The following C2CD5 variants were observed in gnomAD, a reference collection of about 807,000 sequenced individuals.
C2CD5 encodes the protein C2 calcium dependent domain containing 5, also known as C2 domain-containing protein 5.
In C2CD5, 109 loss-of-function variants were observed where a neutral mutation model predicts 130.3. That is an observed-to-expected ratio of 0.84 (90% CI 0.72 to 0.98). C2CD5 has a LOEUF of 0.98. Among genes scored for constraint, C2CD5 ranks in the 50% least tolerant of loss-of-function variants. The pLI is 0.00. For synonymous variants in C2CD5, 454 were observed against 429.2 expected (o/e 1.06, Z -0.71); for missense variants, 996 against 1,261.8 (o/e 0.79, Z 3.19).
At chr12:22,453,496 C>T (rs1406722842) in intron 26 of C2CD5, among the ~76,000 whole-genome samples, 17 of 152,128 alleles carry the variant, frequency 1.1e-4, no homozygotes, top group Non-Finnish European at 2.9e-5. Flanking sequence ...TAGAAATAAG[C>T]AAGCCTTACT....
chr12:22,492,011 T>C (rs1209204830), intron 11 of C2CD5, among the ~76,000 whole-genome samples: 1 of 151,446 alleles, frequency 6.6e-6, no homozygotes, highest in East Asian at 1.9e-4. Flanking sequence ...TTAACAAGAG[T>C]AGAACCGCTA....
intron 15 of C2CD5, among the ~76,000 whole-genome samples, chr12:22,475,233 A>G (rs1438390584): frequency 6.6e-6 from 1 of 152,202 alleles, no homozygotes; most frequent in African/African-American, 2.4e-5. Flanking sequence ...TCAGCATTAT[A>G]AAAGTCCTAA....
intron 14 of C2CD5, among the ~76,000 whole-genome samples, chr12:22,481,491 C>G (rs1334906150): frequency 6.6e-6 from 1 of 152,026 alleles, no homozygotes; most frequent in Admixed American, 6.6e-5. Context: ...TTGCAGGCAC[C>G]TGGTTCTCTG....
intron 22 of C2CD5, among the ~76,000 whole-genome samples, chr12:22,461,965 C>CT (rs11438244): frequency 0.18 from 27,282 of 152,058 alleles, 5,118 homozygotes; most frequent in African/African-American, 0.48. Flanking sequence ...ACATCAGCAC[C>CT]TGGACTGGTT....
chr12:22,457,163 T>C lies in C2CD5; in HGVS notation c.2687-2A>G. ...GACTTGCTTTTTCAACTGTCATGGCTAAAATTGGAGAAAAATGAGAAAACA... is the reference window on the plus strand; with the variant it reads ...GACTTGCTTTTTCAACTGTCATGGCCAAAATTGGAGAAAAATGAGAAAACA... On this transcript the variant is annotated splice_acceptor_variant, in intron 24 of 26. Transcript: ENST00000446597. LOFTEE classifies it high-confidence loss of function. 5 of 1,591,158 alleles carry C rather than the reference T, an allele frequency of 3.1e-6. No individual in the cohort carries two copies. The highest frequency in any genetic ancestry group is 2.6e-6 in the Non-Finnish European group (3 of 1,169,948).
chr12:22,475,656 T>G (rs1326832647), intron 15 of C2CD5, among the ~76,000 whole-genome samples: 2 of 152,094 alleles, frequency 1.3e-5, no homozygotes, highest in African/African-American at 4.8e-5. Context: ...TACATAAAAT[T>G]TTTCAAAAAT....
intron 23 of C2CD5, chr12:22,458,865 T>C (rs1940524836): frequency 4.3e-6 from 1 of 232,316 alleles, no homozygotes; most frequent in East Asian, 8.3e-5. Flanking sequence ...TAAATATCAA[T>C]GAAAGGACCA....
chr12:22,492,542 C>A (rs530216237), intron 11 of C2CD5, among the ~76,000 whole-genome samples: 1 of 152,200 alleles, frequency 6.6e-6, no homozygotes, highest in African/African-American at 2.4e-5. Flanking sequence ...AACTATAATG[C>A]CAGCTGCTAG....
At chr12:22,502,716 G>C (rs1450519480) in intron 10 of C2CD5, 1 of 1,385,800 alleles carries the variant, frequency 7.2e-7, no homozygotes, top group Non-Finnish European at 9.9e-7. Flanking sequence ...AGCATATGTA[G>C]TACTGAATGA....
At chr12:22,488,760 T>C (rs1289392730) in intron 12 of C2CD5, among the ~76,000 whole-genome samples, 2 of 152,164 alleles carry the variant, frequency 1.3e-5, no homozygotes, top group Non-Finnish European at 2.9e-5. Flanking sequence ...ATATCCATTT[T>C]AATACTGACA....
chr12:22,541,150 T>C (rs554268567), intron 2 of C2CD5, among the ~76,000 whole-genome samples: 20 of 152,206 alleles, frequency 1.3e-4, no homozygotes, highest in Admixed American at 9.2e-4. Flanking sequence ...AAACCTAACA[T>C]GCTCAAATGG....
intron 10 of C2CD5, among the ~76,000 whole-genome samples, chr12:22,494,278 T>A (rs981017597): frequency 6.6e-6 from 1 of 151,956 alleles, no homozygotes; most frequent in African/African-American, 2.4e-5. Flanking sequence ...GAAAAAAAAA[T>A]CAACTCTAGA....
At chr12:22,476,585 CAT>C in intron 15 of C2CD5, among the ~76,000 whole-genome samples, 1 of 152,058 alleles carries the variant, frequency 6.6e-6, no homozygotes. Context: ...TAACTTAATT[CAT>C]AGTCTTATTT....
intron 13 of C2CD5, 115 bp from the exon 14 acceptor site, chr12:22,482,858 C>A (rs1591789705): frequency 1.4e-6 from 1 of 718,560 alleles, no homozygotes. Flanking sequence ...TTCTAATGGG[C>A]TTACTGAGTT....
chr12:22,499,924 A>G (rs1947538652), intron 10 of C2CD5, among the ~76,000 whole-genome samples: 1 of 152,212 alleles, frequency 6.6e-6, no homozygotes, highest in East Asian at 1.9e-4. Context: ...GCAGTGGCTC[A>G]CGCCCGTAAT....
In C2CD5 at chr12:22,544,409, G is replaced by T; in HGVS notation, c.-119C>A. 2.7e-6 allele frequency: 1 copy of T among 363,980 alleles called. No individual in the cohort carries two copies. The highest frequency in any genetic ancestry group is 4.9e-6 in the Non-Finnish European group (1 of 203,070). The allele number at this position is 363,980 out of a possible 1,614,324, so 22.5% of individuals were successfully genotyped here. A position where few individuals can be genotyped will look rare whatever the true frequency, so the allele number is the denominator to read the frequency against. ...AGGAAGGGCTTTGATGGGTTCTTCC[G>T]TCCCGGCCCCACAAGGCTGGGACGA... On this transcript the variant is annotated 5_prime_UTR_variant, in exon 1 of 27. Coordinates refer to ENST00000446597, the MANE Select transcript of C2CD5 (RefSeq NM_001286176.2).
At chr12:22,529,569 A>G (rs1338601701) in intron 3 of C2CD5, among the ~76,000 whole-genome samples, 1 of 152,244 alleles carries the variant, frequency 6.6e-6, no homozygotes, top group Non-Finnish European at 1.5e-5. Flanking sequence ...AGAATTAATC[A>G]TAATGAATTA....
At chr12:22,470,663 AC>A (rs1392905023) in intron 21 of C2CD5, among the ~76,000 whole-genome samples, 160 bp downstream of exon 21, 1 of 152,144 alleles carries the variant, frequency 6.6e-6, no homozygotes, top group Non-Finnish European at 1.5e-5. Context: ...AGTCAGCCAT[AC>A]GCTTATCCAC....
At chr12:22,450,747 T>C (rs985103652) in intron 26 of C2CD5, among the ~76,000 whole-genome samples, 2 of 152,150 alleles carry the variant, frequency 1.3e-5, no homozygotes, top group African/African-American at 4.8e-5. Flanking sequence ...TAATCACTTA[T>C]GCATCACATT....
Sources: allele counts gnomAD v4.1 joint callset (sites outside exome capture counted in the v4.1 genomes callset), GRCh38; gene constraint gnomAD v4.1.1; transcripts MANE v1.5; gene names NCBI Gene and HGNC (gene_info 2026-07-23, HGNC 2026-07-21).